The following ZNF641 variants were observed in gnomAD, a reference collection of about 807,000 sequenced individuals.
ZNF641 encodes the protein zinc finger protein 641.
ZNF641 carries 26 observed loss-of-function variants against 46.2 expected under a neutral mutation model. The ratio of observed to expected loss-of-function variants is 0.56; its 90% CI spans 0.41 to 0.78. ZNF641 has a LOEUF of 0.78. ZNF641 is among the 30% of genes least tolerant of loss of function. The pLI, the probability that ZNF641 is intolerant of heterozygous loss-of-function variation, is 0.00. For missense variants in ZNF641, 469 were observed against 517.8 expected (o/e 0.91, Z 0.91); for synonymous variants, 163 against 187.9 (o/e 0.87, Z 1.09).
rs1255857026 is a variant in ZNF641, at chr12:48,347,021, A to C, written c.276+231T>G. ...GTGAGATTCTGTCTCAAAAACAAAA[A>C]ACAAAACAAAACTCAAAAAAACCCT... On this transcript the variant is annotated intron_variant, in intron 3 of 5. Coordinates refer to ENST00000547026, the MANE Select transcript of ZNF641 (RefSeq NM_001172681.2). 5.1e-6 allele frequency: 4 copies of C among 785,754 alleles called. No homozygotes were observed. In the African/African-American group the frequency reaches 7.1e-5, roughly 14 times the overall value. 48.7% of individuals were successfully genotyped at this position (785,754 alleles called of 1,614,324 possible). A position where few individuals can be genotyped will look rare whatever the true frequency, so the allele number is the denominator to read the frequency against.
chr12:48,342,206 A>G lies in ZNF641; in HGVS notation c.*767T>C, dbSNP rs1207532996. On this transcript the variant is annotated 3_prime_UTR_variant, in exon 6 of 6. Coordinates refer to ENST00000547026, the MANE Select transcript of ZNF641 (RefSeq NM_001172681.2). ...TTGTAGTGTGATCTCTCAGCTGGAT[A>G]TATGTATGTGCAGGATGAAGGGAGT... 1.3e-5 allele frequency: 13 copies of G among 985,398 alleles called. No homozygotes were observed. Among genetic ancestry groups the G allele is most frequent in the Non-Finnish European group, 1.6e-5 (13 of 829,958 alleles). The allele number at this position is 985,398 out of a possible 1,614,324, so 61.0% of individuals were successfully genotyped here. A position where few individuals can be genotyped will look rare whatever the true frequency, so the allele number is the denominator to read the frequency against.
At chr12:48,350,266 C>CTTACTTA in intron 1 of ZNF641, 1 of 1,422,560 alleles carries the variant, frequency 7.0e-7, no homozygotes. Context: ...AGAAAAGGGG[C>CTTACTTA]CATGTTATAA....
rs1361353362 is a variant in ZNF641, at chr12:48,341,670, T to C, written c.*1303A>G. The C allele has an allele frequency of 7.1e-6, 7 of 985,350 alleles. No individual in the cohort carries two copies. In the Admixed American group the frequency reaches 1.8e-4, roughly 26 times the overall value. The allele number at this position is 985,350 out of a possible 1,614,324, so 61.0% of individuals were successfully genotyped here. A position where few individuals can be genotyped will look rare whatever the true frequency, so the allele number is the denominator to read the frequency against. ...TGCAAACACGTAATTCCTGCCCTAA[T>C]TTTCCAGCACTTAAAACAAAATCCC... On this transcript the variant is annotated 3_prime_UTR_variant, in exon 6 of 6. Coordinates refer to ENST00000547026, the MANE Select transcript of ZNF641 (RefSeq NM_001172681.2).
intron 2 of ZNF641, 43 bp downstream of exon 2, chr12:48,347,864 G>A (rs759480065): frequency 6.3e-7 from 1 of 1,578,122 alleles, no homozygotes; most frequent in Admixed American, 1.7e-5. Flanking sequence ...TAAATATTAG[G>A]AGACTATGCA....
chr12:48,342,143 G>C lies in ZNF641; in HGVS notation c.*830C>G. ...TTTGTTTTTCTGTTTTTCTGTGTGG[G>C]CCAGGGCTATTTGGGGGTATTAGAT... is the stretch of plus-strand genomic sequence containing the variant. On this transcript the variant is annotated 3_prime_UTR_variant, in exon 6 of 6. Transcript: ENST00000547026. 1 of 985,492 alleles carries C rather than the reference G, an allele frequency of 1.0e-6. No individual in the cohort carries two copies. The highest frequency in any genetic ancestry group is 1.2e-6 in the Non-Finnish European group (1 of 830,006). 61.0% of individuals were successfully genotyped at this position (985,492 alleles called of 1,614,324 possible). A position where few individuals can be genotyped will look rare whatever the true frequency, so the allele number is the denominator to read the frequency against.
At chr12:48,347,049 C>T (rs2136185818) in intron 3 of ZNF641, 2 of 981,464 alleles carry the variant, frequency 2.0e-6, no homozygotes, top group South Asian at 2.0e-5. Flanking sequence ...AAAACCCTAA[C>T]CTCAAGGAAT....
Position 48,340,166 on chromosome 12 carries a change from T to C in ZNF641, c.*2807A>G. On this transcript the variant is annotated 3_prime_UTR_variant, in exon 6 of 6. Transcript: ENST00000547026. The stretch of plus-strand genomic sequence containing the variant: ...TGTTTTATTTTTTGTCCAAGAGAGG[T>C]GGTGTTGGACCGAGGTAGAGAAGAC... 1.2e-5 allele frequency: 12 copies of C among 985,394 alleles called. No individual in the cohort carries two copies. Among genetic ancestry groups the C allele is most frequent in the Non-Finnish European group, 1.4e-5 (12 of 829,932 alleles). 61.0% of individuals were successfully genotyped at this position (985,394 alleles called of 1,614,324 possible). A position where few individuals can be genotyped will look rare whatever the true frequency, so the allele number is the denominator to read the frequency against.
At chr12:48,345,296 C>T (rs778845862) in intron 4 of ZNF641, 49 bp downstream of exon 4, 23 of 1,603,910 alleles carry the variant, frequency 1.4e-5, no homozygotes, top group Middle Eastern at 1.7e-4. Flanking sequence ...CAGATGGCTC[C>T]GTCCTCCCAG....
chr12:48,340,489 TGTC>T lies in ZNF641; in HGVS notation c.*2481_*2483del. On this transcript the variant is annotated 3_prime_UTR_variant, in exon 6 of 6. Transcript: ENST00000547026. ...GAGAGTAGAATGTAAGCAATACCCT[TGTC>T]GTAATTAAAGACCAGACTCCATCCT... is the stretch of plus-strand genomic sequence containing the variant. The T allele has an allele frequency of 1.0e-6, 1 of 984,850 alleles. No homozygotes were observed. Among genetic ancestry groups the T allele is most frequent in the Non-Finnish European group, 1.2e-6 (1 of 829,818 alleles). 61.0% of individuals were successfully genotyped at this position (984,850 alleles called of 1,614,324 possible).
downstream of ZNF641, among the ~76,000 whole-genome samples, chr12:48,336,877 C>T (rs897072573): frequency 6.6e-6 from 1 of 152,156 alleles, no homozygotes; most frequent in African/African-American, 2.4e-5. Flanking sequence ...TAGTCCTGGC[C>T]CTGCTCAGCA....
At position 48,338,412 on chromosome 12, in the gene ZNF641, A is replaced by G. The variant is rs1281162585; in HGVS notation, c.*4561T>C. On this transcript the variant is annotated 3_prime_UTR_variant, in exon 6 of 6. Coordinates refer to ENST00000547026, the MANE Select transcript of ZNF641 (RefSeq NM_001172681.2). ...GGAGGTGGTGGCAGGAAAGAGGGAGACAGCATGAGGCCTGGAGTTGAAGAA... is the reference window on the plus strand; with the variant it reads ...GGAGGTGGTGGCAGGAAAGAGGGAGGCAGCATGAGGCCTGGAGTTGAAGAA... 1 of 152,232 alleles carries G rather than the reference A, an allele frequency of 6.6e-6. No individual in the cohort carries two copies. The highest frequency in any genetic ancestry group is 6.5e-5 in the Admixed American group (1 of 15,282). 9.4% of individuals were successfully genotyped at this position (152,232 alleles called of 1,614,324 possible). A position where few individuals can be genotyped will look rare whatever the true frequency, so the allele number is the denominator to read the frequency against.
Position 48,341,752 on chromosome 12 carries a change from C to T in ZNF641, c.*1221G>A. 1 of 985,480 alleles carries T rather than the reference C, an allele frequency of 1.0e-6. No homozygotes were observed. The highest frequency in any genetic ancestry group is 1.1e-4 in the East Asian group (1 of 8,822). The allele number at this position is 985,480 out of a possible 1,614,324, so 61.0% of individuals were successfully genotyped here. A position where few individuals can be genotyped will look rare whatever the true frequency, so the allele number is the denominator to read the frequency against. On this transcript the variant is annotated 3_prime_UTR_variant, in exon 6 of 6. Coordinates refer to ENST00000547026, the MANE Select transcript of ZNF641 (RefSeq NM_001172681.2). Reference sequence around the variant, plus strand: ...CCTGAAATCAACAAGAAACAGCTCACCTCCCCAAAGACTCCTCTTTCTCTG... The same window carrying T: ...CCTGAAATCAACAAGAAACAGCTCATCTCCCCAAAGACTCCTCTTTCTCTG...
intron 1 of ZNF641, among the ~76,000 whole-genome samples, chr12:48,349,655 G>GA (rs1952974239): frequency 6.6e-6 from 1 of 152,226 alleles, no homozygotes; most frequent in Non-Finnish European, 1.5e-5. Context: ...ACCCTGGACT[G>GA]ATTCCCAGCC....
At chr12:48,347,116 G>C (rs1323386162) in intron 3 of ZNF641, 136 bp downstream of exon 3, 1 of 1,489,376 alleles carries the variant, frequency 6.7e-7, no homozygotes, top group Non-Finnish European at 9.0e-7. Flanking sequence ...CTTGGAAAGG[G>C]ATAGAATCTA....
downstream of ZNF641, among the ~76,000 whole-genome samples, chr12:48,335,032 TC>T (rs886946232): frequency 1.8e-4 from 27 of 151,614 alleles, no homozygotes; most frequent in African/African-American, 5.8e-4. Flanking sequence ...TTTGGGCGCC[TC>T]CCCCCCACCA....
chr12:48,343,879 T>C, intron 5 of ZNF641, 152 bp from the exon 6 acceptor site: 1 of 653,404 alleles, frequency 1.5e-6, no homozygotes. Context: ...TACAAGACAG[T>C]GCAATAGATA....
intron 1 of ZNF641, among the ~76,000 whole-genome samples, chr12:48,348,568 C>A (rs1477618895): frequency 6.6e-6 from 1 of 152,220 alleles, no homozygotes; most frequent in Non-Finnish European, 1.5e-5. Context: ...AAATCACAGT[C>A]TCATCAGTTT....
At chr12:48,350,763 C>A in intron 1 of ZNF641, 23 bp downstream of exon 1, 1 of 947,116 alleles carries the variant, frequency 1.1e-6, no homozygotes, top group Non-Finnish European at 1.3e-6. Flanking sequence ...AGCCGCAGCT[C>A]CCTCCGGCCC....
chr12:48,336,889 T>C (rs1236170529), downstream of ZNF641, among the ~76,000 whole-genome samples: 3 of 152,176 alleles, frequency 2.0e-5, no homozygotes, highest in East Asian at 5.8e-4. Flanking sequence ...TGCTCAGCAG[T>C]CTGCCGCTGA....
Sources: gnomAD v4.1 joint callset for allele counts (sites outside exome capture counted in the v4.1 genomes callset) on GRCh38, gnomAD v4.1.1 for gene constraint, MANE v1.5 for transcripts, NCBI Gene and HGNC (gene_info 2026-07-23, HGNC 2026-07-21) for gene names.